The following TSC2 variants were observed in gnomAD, a reference collection of about 807,000 sequenced individuals.
The protein encoded by TSC2 is TSC complex subunit 2, also known as tuberin.
TSC2 carries 29 observed loss-of-function variants against 202.2 expected under a neutral mutation model. That is an observed-to-expected ratio of 0.14 (90% CI 0.11 to 0.20). The LOEUF is 0.20. Ranked by LOEUF, TSC2 falls within the 10% of genes least tolerant of loss-of-function variation. The pLI is 1.00. For missense variants in TSC2, 2,429 were observed against 2,420.0 expected (o/e 1.00, Z -0.08); for synonymous variants, 1,349 against 1,044.0 (o/e 1.29, Z -5.63).
chr16:2,075,767 G>A (rs375098487), intron 22 of TSC2, 32 bp from the exon 23 acceptor site: 106 of 1,608,854 alleles, frequency 6.6e-5, no homozygotes, highest in Non-Finnish European at 8.7e-5. Flanking sequence ...ACGGGACCCC[G>A]GCTCCCCTGA....
At chr16:2,070,685 C>T in intron 17 of TSC2, 107 bp downstream of exon 17, 1 of 1,548,382 alleles carries the variant, frequency 6.5e-7, no homozygotes, top group Non-Finnish European at 8.7e-7. Flanking sequence ...AGGATGGGGC[C>T]TCAGCTGACC....
chr16:2,081,083 C>G (rs1247883423), intron 30 of TSC2: 1 of 238,776 alleles, frequency 4.2e-6, no homozygotes, highest in African/African-American at 2.3e-5. Context: ...GCTCTGGTCC[C>G]TTGCTAGCCG....
At chr16:2,072,456 C>T (rs917092438) in intron 20 of TSC2, 93 bp downstream of exon 20, 47 of 1,546,180 alleles carry the variant, frequency 3.0e-5, no homozygotes, top group Admixed American at 5.3e-5. Flanking sequence ...TGAGACCCTT[C>T]GGGCTCGGGC....
At chr16:2,077,535 T>G in intron 25 of TSC2, 63 bp from the exon 26 acceptor site, 1 of 1,609,818 alleles carries the variant, frequency 6.2e-7, no homozygotes, top group African/African-American at 1.3e-5. Context: ...CTCCACTGGC[T>G]TGTTCTCCCC....
chr16:2,074,444 G>T lies in TSC2; in HGVS notation c.2545+55G>T, dbSNP rs560844388. On this transcript the variant is annotated intron_variant, in intron 22 of 41. Transcript: ENST00000219476. ...CCGAGAGGTTCGGGCTGTGTAACCT[G>T]TGCGGGCTTCTCTGGTGCCCTCTCT... 1.3e-4 allele frequency: 212 copies of T among 1,595,374 alleles called. No individual in the cohort carries two copies. In the African/African-American group the frequency reaches 2.5e-3, roughly 19 times the overall value.
At position 2,089,406 on chromosome 16, in the gene TSC2, G is replaced by A. The variant is rs2091342253; in HGVS notation, c.*796G>A. On this transcript the variant is annotated 3_prime_UTR_variant, in exon 42 of 42. Coordinates refer to ENST00000219476, the MANE Select transcript of TSC2 (RefSeq NM_000548.5). ...TGAAGCCAGCAGCCTTAGCAGTGGG[G>A]GACATCTGCCCAGGGGGTGGGGCCG... 4.4e-6 allele frequency: 2 copies of A among 449,742 alleles called. No individual in the cohort carries two copies. Among genetic ancestry groups the A allele is most frequent in the South Asian group, 2.8e-5 (1 of 35,996 alleles). 27.9% of individuals were successfully genotyped at this position (449,742 alleles called of 1,614,324 possible).
intron 16 of TSC2, among the ~76,000 whole-genome samples, chr16:2,067,643 G>C (rs892767339): frequency 6.6e-6 from 1 of 152,168 alleles, no homozygotes; most frequent in Non-Finnish European, 1.5e-5. Context: ...GGTGGCGCAT[G>C]CCTGTAGTCC....
At chr16:2,065,371 C>A in intron 15 of TSC2, 148 bp from the exon 16 acceptor site, 3 of 723,656 alleles carry the variant, frequency 4.1e-6, no homozygotes, top group Non-Finnish European at 7.2e-6. Context: ...TGAGATTGTG[C>A]CACCGCACTC....
chr16:2,064,661 G>T, intron 15 of TSC2: 1 of 652,948 alleles, frequency 1.5e-6, no homozygotes, highest in African/African-American at 1.8e-5. Flanking sequence ...TGGGACAGCT[G>T]GGCTGGGCCT....
chr16:2,088,192 C>G lies in TSC2; in HGVS notation c.5161-35C>G, dbSNP rs533981924. 6.8e-6 allele frequency: 11 copies of G among 1,612,824 alleles called. No homozygotes were observed. The African/African-American group carries it at 9.3e-5, about 14-fold the overall frequency. ...CTGGTGGGACAGGCCCAGGTGCCAC[C>G]TGATAGTGAGCTCACCCCCTGCCTA... On this transcript the variant is annotated intron_variant, in intron 40 of 41. Transcript: ENST00000219476.
chr16:2,084,103 G>C, intron 33 of TSC2, 125 bp from the exon 34 acceptor site: 2 of 1,510,252 alleles, frequency 1.3e-6, no homozygotes, highest in South Asian at 1.2e-5. Flanking sequence ...GCCGTAGCCT[G>C]GTGCTCGGGC....
At position 2,076,102 on chromosome 16, in the gene TSC2, G is replaced by A. The variant is rs376801256; in HGVS notation, c.2674G>A (p.Val892Ile). The change falls in exon 24 of 42, where the codon GTC becomes ATC. Residue 892 changes from valine (V) to isoleucine (I), a missense_variant. Coordinates refer to ENST00000219476, the MANE Select transcript of TSC2 (RefSeq NM_000548.5). The part of the protein sequence containing the change: ...NQYIVCLAHH[V>I]IAMWFIRCRL... ...GTACATCGTGTGTCTGGCCCATCAC[G>A]TCATAGCCATGTGGTTCATCAGGTG... 7.4e-6 allele frequency: 12 copies of A among 1,613,784 alleles called. No homozygotes were observed. Among genetic ancestry groups the A allele is most frequent in the Admixed American group, 1.7e-5 (1 of 60,006 alleles).
chr16:2,075,736 G>A (rs1160453990), intron 22 of TSC2, 63 bp from the exon 23 acceptor site: 1 of 1,560,960 alleles, frequency 6.4e-7, no homozygotes, highest in African/African-American at 1.3e-5. Context: ...GAGCAGCCGT[G>A]TTGGCCTTCA....
rs779425782 is a variant in TSC2 at position 2,070,495 on chromosome 16, G to A, written c.1756G>A (p.Val586Met). 6 of 1,613,436 alleles carry A rather than the reference G, an allele frequency of 3.7e-6. No individual in the cohort carries two copies. In the East Asian group the frequency reaches 1.1e-4, roughly 30 times the overall value. Residue 586 changes from valine to methionine, a missense_variant, in exon 17 of 42, where the codon GTG becomes ATG. By Grantham distance (21) the Val-to-Met change is conservative. Transcript: ENST00000219476. ...CCTGCCTGCAAGCCACGCCACGCGT[G>A]TGTATGAGATGCTGGTCAGCCACAT... ...YTLPASHATR[V>M]YEMLVSHIQL... is the part of the protein sequence containing the mutation.
chr16:2,053,475 G>A (rs2085381995), intron 4 of TSC2, 23 bp downstream of exon 4: 4 of 1,548,110 alleles, frequency 2.6e-6, no homozygotes, highest in Non-Finnish European at 3.5e-6. Context: ...GCGACGCTGG[G>A]ATGGGTGACG....
In TSC2 at chr16:2,088,801, G is replaced by GGT; in HGVS notation, c.*192_*193dup. On this transcript the variant is annotated 3_prime_UTR_variant, in exon 42 of 42. Transcript: ENST00000219476. ...TAGAAGCGGCCATGCCCACAGAAGT[G>GGT]GTACACAGAAGCAGGCACAGCCAGC... The GGT allele has an allele frequency of 1.3e-6, 1 of 770,896 alleles. No homozygotes were observed. The highest frequency in any genetic ancestry group is 1.8e-5 in the South Asian group (1 of 54,456). The allele number at this position is 770,896 out of a possible 1,614,324, so 47.8% of individuals were successfully genotyped here. A position where few individuals can be genotyped will look rare whatever the true frequency, so the allele number is the denominator to read the frequency against.
chr16:2,082,548 C>T lies in TSC2; in HGVS notation c.3883+44C>T, dbSNP rs765975493. 54 of 1,599,466 alleles carry T rather than the reference C, an allele frequency of 3.4e-5. No individual in the cohort carries two copies. The highest frequency in any genetic ancestry group is 4.4e-5 in the Non-Finnish European group (52 of 1,174,022). On this transcript the variant is annotated intron_variant, in intron 32 of 41. Coordinates refer to ENST00000219476, the MANE Select transcript of TSC2 (RefSeq NM_000548.5). The stretch of plus-strand genomic sequence containing the variant: ...AAGCGGTTGGCTGCAGAGCGCCACT[C>T]TGCCTCATAGGTGCTGTGCTCGTCG...
intron 16 of TSC2, among the ~76,000 whole-genome samples, chr16:2,069,467 A>ATG (rs1567453165): frequency 1.4e-5 from 2 of 146,898 alleles, no homozygotes; most frequent in Non-Finnish European, 3.0e-5. Context: ...ACAGGCATGC[A>ATG]CCACCACACC....
intron 41 of TSC2, 43 bp from the exon 42 acceptor site, chr16:2,088,403 C>A: frequency 6.2e-7 from 1 of 1,612,504 alleles, no homozygotes. Context: ...AGAGCGGTTG[C>A]CACGCCTCCC....
Sources: allele counts gnomAD v4.1 joint callset (sites outside exome capture counted in the v4.1 genomes callset), GRCh38; gene constraint gnomAD v4.1.1; transcripts MANE v1.5; gene names NCBI Gene and HGNC (gene_info 2026-07-23, HGNC 2026-07-21).